PPP1CC: variants seen among roughly 807,000 people sequenced by gnomAD.
The protein encoded by PPP1CC is protein phosphatase 1 catalytic subunit gamma.
In PPP1CC, 16 loss-of-function variants were observed where a neutral mutation model predicts 38.4. The ratio of observed to expected loss-of-function variants is 0.42; its 90% CI spans 0.28 to 0.63. The LOEUF (loss-of-function observed/expected upper bound fraction) is 0.63, where lower values mean the gene tolerates loss of function less well. Ranked by LOEUF, PPP1CC falls within the 30% of genes least tolerant of loss-of-function variation. PPP1CC has a pLI of 0.25. For missense variants in PPP1CC, 170 were observed against 391.3 expected, an observed-to-expected ratio of 0.43 and a Z score of 4.77; for synonymous variants, 158 against 136.0, an observed-to-expected ratio of 1.16 and a Z score of -1.13.
chr12:110,721,139 C>G lies in PPP1CC; in HGVS notation c.909G>C (p.Lys303Asn). ...GCGTTACAGGTCTCGTGGCATTTGG[C>G]TTCTTTTTCTCTGCAGGCTTTAAAA... ...FQILKPAEKK[K>N]PNATRPVTPP... Residue 303 changes from lysine (K) to asparagine (N), a missense_variant, in exon 7 of 7, where the codon AAG becomes AAC. Lys to Asn is a moderately conservative substitution (Grantham distance 94, BLOSUM62 0). This residue lies in a region of PPP1CC where 117 missense variants were observed against 344.4 expected (regional missense o/e 0.34). Transcript: ENST00000335007. The G allele has an allele frequency of 6.2e-7, 1 of 1,613,834 alleles. No homozygotes were observed.
At chr12:110,714,339 C>G in the PPP1CC span, among the ~76,000 whole-genome samples, 1 of 152,066 alleles carries the variant, frequency 6.6e-6, no homozygotes, top group South Asian at 2.1e-4. Context: ...TGGGGCAGAT[C>G]TGAAACCAAT....
At chr12:110,708,503 C>T in the PPP1CC span, among the ~76,000 whole-genome samples, 17 of 152,250 alleles carry the variant, frequency 1.1e-4, no homozygotes, top group East Asian at 2.9e-3. Flanking sequence ...GAATTCACAA[C>T]CAGGATCTGC....
At chr12:110,729,180 A>G (rs925007876) in intron 3 of PPP1CC, among the ~76,000 whole-genome samples, 7 of 146,878 alleles carry the variant, frequency 4.8e-5, no homozygotes, top group Non-Finnish European at 7.4e-5. Context: ...TACTGAACTG[A>G]TATTTTCAAA....
intron 3 of PPP1CC, among the ~76,000 whole-genome samples, chr12:110,729,556 A>G (rs1300021539): frequency 2.0e-5 from 3 of 152,202 alleles, no homozygotes; most frequent in Non-Finnish European, 2.9e-5. Context: ...CTTTAATTAA[A>G]CAATCCAAAA....
chr12:110,718,180 A>T (rs1239487000), downstream of PPP1CC, among the ~76,000 whole-genome samples: 1 of 152,178 alleles, frequency 6.6e-6, no homozygotes, highest in African/African-American at 2.4e-5. Flanking sequence ...TTCAAGAACA[A>T]GGGTTATATG....
At chr12:110,738,100 T>G (rs1167065743) in intron 1 of PPP1CC, among the ~76,000 whole-genome samples, 1 of 152,228 alleles carries the variant, frequency 6.6e-6, no homozygotes, top group Non-Finnish European at 1.5e-5. Flanking sequence ...CTGAGTAGAC[T>G]ACATTTTGAG....
downstream of PPP1CC, among the ~76,000 whole-genome samples, chr12:110,717,402 C>A (rs1280352013): frequency 1.3e-5 from 2 of 151,884 alleles, no homozygotes; most frequent in Non-Finnish European, 2.9e-5. Flanking sequence ...ACTTCAAACC[C>A]ACTTTGTTTG....
intron 1 of PPP1CC, among the ~76,000 whole-genome samples, chr12:110,742,171 TA>T (rs1027671048): frequency 6.6e-6 from 1 of 151,330 alleles, no homozygotes; most frequent in African/African-American, 2.4e-5. Flanking sequence ...AAAATAAAAA[TA>T]AAAGCAAGCA....
At chr12:110,737,272 G>T (rs1360503806) in intron 1 of PPP1CC, among the ~76,000 whole-genome samples, 1 of 151,944 alleles carries the variant, frequency 6.6e-6, no homozygotes, top group African/African-American at 2.4e-5. Context: ...GAGGTCAGGA[G>T]TTTGAGACCA....
chr12:110,741,296 T>C (rs1425409591), intron 1 of PPP1CC, among the ~76,000 whole-genome samples: 1 of 152,192 alleles, frequency 6.6e-6, no homozygotes, highest in Non-Finnish European at 1.5e-5. Context: ...TTAAAAGATC[T>C]GTAAATTCTA....
chr12:110,717,404 C>T (rs1020689958), downstream of PPP1CC, among the ~76,000 whole-genome samples: 2 of 151,942 alleles, frequency 1.3e-5, no homozygotes, highest in African/African-American at 4.8e-5. Context: ...TTCAAACCCA[C>T]TTTGTTTGTT....
chr12:110,737,040 A>T (rs934730215), intron 1 of PPP1CC, among the ~76,000 whole-genome samples: 1 of 152,220 alleles, frequency 6.6e-6, no homozygotes, highest in African/African-American at 2.4e-5. Flanking sequence ...ATTTCAGTGA[A>T]ATCAATAGCC....
chr12:110,742,528 G>T, intron 1 of PPP1CC, 125 bp downstream of exon 1: 1 of 783,578 alleles, frequency 1.3e-6, no homozygotes, highest in South Asian at 3.9e-5. Flanking sequence ...GGGCCAACTC[G>T]AGGAGCTCAC....
intron 1 of PPP1CC, among the ~76,000 whole-genome samples, chr12:110,740,328 A>G (rs112873480): frequency 0.048 from 7,292 of 152,264 alleles, 504 homozygotes; most frequent in African/African-American, 0.16. Flanking sequence ...GCTCATGACT[A>G]TAACCCCAGC....
downstream of PPP1CC, among the ~76,000 whole-genome samples, chr12:110,717,501 C>T (rs2069696741): frequency 6.6e-6 from 1 of 152,194 alleles, no homozygotes; most frequent in East Asian, 1.9e-4. Context: ...TCACGCCATT[C>T]TCCTGCCTCA....
rs1390765919 is a variant in PPP1CC, at chr12:110,719,990, T to G, written c.*1086A>C. Reference sequence around the variant, plus strand: ...GTCATCTGTTGAAACAGATTTCTTTTTTAACAGATCTTAGTTTAAAAAAGT... The same window carrying G: ...GTCATCTGTTGAAACAGATTTCTTTGTTAACAGATCTTAGTTTAAAAAAGT... On this transcript the variant is annotated 3_prime_UTR_variant, in exon 7 of 7. Coordinates refer to ENST00000335007, the MANE Select transcript of PPP1CC (RefSeq NM_002710.4). The G allele has an allele frequency of 1.5e-6, 1 of 667,002 alleles. No homozygotes were observed. The highest frequency in any genetic ancestry group is 1.8e-5 in the African/African-American group (1 of 54,906). 41.3% of individuals were successfully genotyped at this position (667,002 alleles called of 1,614,324 possible).
chr12:110,711,949 C>A, the PPP1CC span, among the ~76,000 whole-genome samples: 1 of 152,038 alleles, frequency 6.6e-6, no homozygotes, highest in South Asian at 2.1e-4. Flanking sequence ...AAAACAACAA[C>A]AAACCATTAA....
chr12:110,719,963 C>T lies in PPP1CC; in HGVS notation c.*1113G>A, dbSNP rs1224912128. On this transcript the variant is annotated 3_prime_UTR_variant, in exon 7 of 7. Coordinates refer to ENST00000335007, the MANE Select transcript of PPP1CC (RefSeq NM_002710.4). ...CATTTTCACCACACGGTATTGTACA[C>T]GGTCATCTGTTGAAACAGATTTCTT... 1.5e-5 allele frequency: 9 copies of T among 599,800 alleles called. No homozygotes were observed. Among genetic ancestry groups the T allele is most frequent in the East Asian group, 2.8e-5 (1 of 35,868 alleles). 37.2% of individuals were successfully genotyped at this position (599,800 alleles called of 1,614,324 possible). A position where few individuals can be genotyped will look rare whatever the true frequency, so the allele number is the denominator to read the frequency against.
At position 110,722,358 on chromosome 12, in the gene PPP1CC, G is replaced by A; in HGVS notation, c.748-89C>T. ...AGTTTCCCATTGAGCCTGATATCTT[G>A]TGTTCCAGAAACACTTTGTATAAAT... On this transcript the variant is annotated intron_variant, in intron 5 of 6. Transcript: ENST00000335007. This position sits in a 1 kb window ranked among gnomAD's most constrained non-coding sequence, Gnocchi z 5.4. The A allele has an allele frequency of 6.4e-7, 1 of 1,563,694 alleles. No individual in the cohort carries two copies.
Sources: gnomAD v4.1 joint callset for allele counts (sites outside exome capture counted in the v4.1 genomes callset) on GRCh38, gnomAD v4.1.1 for gene constraint, gnomAD v4.1.1 regional missense constraint, Gnocchi (gnomAD v3.1) non-coding constraint, MANE v1.5 for transcripts, NCBI Gene and HGNC (gene_info 2026-07-23, HGNC 2026-07-21) for gene names.